SLIT3: variants seen among roughly 807,000 people sequenced by gnomAD.
SLIT3 encodes slit guidance ligand 3.
A neutral mutation model predicts 184.0 loss-of-function variants in SLIT3; 68 were observed. That is an observed-to-expected ratio of 0.37 (90% CI 0.30 to 0.45). The LOEUF is 0.45. Ranked by LOEUF, SLIT3 falls within the 20% of genes least tolerant of loss-of-function variation. SLIT3 has a pLI of 1.00. For synonymous variants in SLIT3, 831 were observed against 828.6 expected (o/e 1.00, Z -0.05); for missense variants, 1,707 against 2,026.0 (o/e 0.84, Z 3.02).
At chr5:168,697,380 G>C (rs1352794065) in intron 27 of SLIT3, among the ~76,000 whole-genome samples, 1 of 152,184 alleles carries the variant, frequency 6.6e-6, no homozygotes. Context: ...CCCAGGACTG[G>C]GCGTGCAAGA....
chr5:168,835,265 A>G (rs1453043042), intron 6 of SLIT3, among the ~76,000 whole-genome samples: 1 of 152,220 alleles, frequency 6.6e-6, no homozygotes, highest in Non-Finnish European at 1.5e-5. Context: ...TTATTTGTAA[A>G]CAAAAAAATT....
At position 169,056,596 on chromosome 5, in the gene SLIT3, TAA is replaced by T. The variant is rs75041666; in HGVS notation, c.413+136881_413+136882del. On this transcript the variant is annotated intron_variant, in intron 4 of 35. Coordinates refer to ENST00000519560, the MANE Select transcript of SLIT3 (RefSeq NM_003062.4). ...CAGACATTCATAGCTGGCGATCTCT[TAA>T]AAAAAAAAAAAGATTAAATGAAGTT... 1.3e-4 allele frequency among the ~76,000 whole-genome samples: 19 copies of T among 145,764 alleles called. No homozygotes were observed. In the South Asian group the frequency reaches 2.2e-3, roughly 17 times the overall value.
At chr5:169,208,173 T>C (rs998849145) in intron 3 of SLIT3, among the ~76,000 whole-genome samples, 3 of 152,224 alleles carry the variant, frequency 2.0e-5, no homozygotes, top group Non-Finnish European at 4.4e-5. Context: ...ATTAAGAAAT[T>C]CATATTCTGT....
At chr5:169,103,220 C>A (rs1002978174) in intron 4 of SLIT3, among the ~76,000 whole-genome samples, 1 of 152,112 alleles carries the variant, frequency 6.6e-6, no homozygotes, top group African/African-American at 2.4e-5. Context: ...CAAAATAGCT[C>A]GGAAATAGTG....
intron 5 of SLIT3, among the ~76,000 whole-genome samples, chr5:168,874,852 C>T (rs2938771): frequency 0.3 from 46,235 of 152,088 alleles, 7,477 homozygotes; most frequent in African/African-American, 0.41. Flanking sequence ...CCATTGGCCC[C>T]GGGGCAAATA....
chr5:169,246,620 T>C (rs993734003), intron 2 of SLIT3, among the ~76,000 whole-genome samples: 5 of 152,136 alleles, frequency 3.3e-5, no homozygotes, highest in African/African-American at 1.2e-4. Context: ...GCTATACAAT[T>C]AGAGGCTTAA....
intron 3 of SLIT3, among the ~76,000 whole-genome samples, chr5:169,207,752 A>T (rs909796109): frequency 6.6e-6 from 1 of 152,086 alleles, no homozygotes; most frequent in Non-Finnish European, 1.5e-5. Flanking sequence ...AAATTCAACC[A>T]CTGAGATGAT....
At chr5:169,105,108 C>T (rs551473303) in intron 4 of SLIT3, among the ~76,000 whole-genome samples, 19 of 152,258 alleles carry the variant, frequency 1.2e-4, no homozygotes, top group South Asian at 1.0e-3. Context: ...GCTCTGTGAA[C>T]GGCAGGTTTC....
At chr5:169,248,673 C>G (rs759898968) in intron 2 of SLIT3, among the ~76,000 whole-genome samples, 1 of 152,160 alleles carries the variant, frequency 6.6e-6, no homozygotes, top group Non-Finnish European at 1.5e-5. Flanking sequence ...AAATCGCCCC[C>G]CATGTGATGA....
intron 4 of SLIT3, among the ~76,000 whole-genome samples, chr5:168,923,757 C>A (rs1263808079): frequency 1.3e-5 from 2 of 152,162 alleles, no homozygotes; most frequent in Admixed American, 1.3e-4. Flanking sequence ...ACCTCGTGAT[C>A]CACCCAACTT....
At chr5:169,272,339 C>T (rs968533) in intron 1 of SLIT3, among the ~76,000 whole-genome samples, 48,424 of 152,242 alleles carry the variant, frequency 0.32, 11,176 homozygotes, top group African/African-American at 0.64. Flanking sequence ...GCTGGGCATG[C>T]AGTCCCTAGT....
intron 4 of SLIT3, among the ~76,000 whole-genome samples, chr5:169,067,392 C>A (rs896235074): frequency 6.6e-6 from 1 of 151,894 alleles, no homozygotes; most frequent in South Asian, 2.1e-4. Flanking sequence ...GCCATCTCAG[C>A]GAGACTCCAC....
intron 4 of SLIT3, among the ~76,000 whole-genome samples, chr5:169,067,485 C>T (rs1033251134): frequency 2.0e-5 from 3 of 152,140 alleles, no homozygotes; most frequent in South Asian, 4.2e-4. Flanking sequence ...GACAATCCAT[C>T]CATCTCTGTG....
chr5:168,754,794 GT>G (rs1175765029), intron 16 of SLIT3, among the ~76,000 whole-genome samples: 4 of 152,114 alleles, frequency 2.6e-5, no homozygotes, highest in Non-Finnish European at 4.4e-5. Context: ...GGGATTTGAA[GT>G]TTTTTTCTGT....
intron 23 of SLIT3, among the ~76,000 whole-genome samples, chr5:168,714,921 G>A (rs1038697363): frequency 2.0e-5 from 3 of 152,160 alleles, no homozygotes; most frequent in African/African-American, 4.8e-5. Context: ...TGCAGATGAG[G>A]GCACCATCAG....
intron 4 of SLIT3, among the ~76,000 whole-genome samples, chr5:168,890,312 G>C (rs1167656299): frequency 6.6e-6 from 1 of 152,192 alleles, no homozygotes; most frequent in East Asian, 1.9e-4. Flanking sequence ...GGAAGGAAAA[G>C]AGAGAGATGC....
chr5:169,142,237 T>C (rs1293555800), intron 4 of SLIT3, among the ~76,000 whole-genome samples: 1 of 152,106 alleles, frequency 6.6e-6, no homozygotes, highest in Non-Finnish European at 1.5e-5. Flanking sequence ...GATGGAGCCT[T>C]CTCTTTTAAT....
At chr5:168,926,137 T>A (rs562557024) in intron 4 of SLIT3, among the ~76,000 whole-genome samples, 1 of 152,076 alleles carries the variant, frequency 6.6e-6, no homozygotes, top group South Asian at 2.1e-4. Context: ...TCTATCCAAC[T>A]GTGGGGAAAG....
intron 4 of SLIT3, among the ~76,000 whole-genome samples, chr5:169,143,627 C>G (rs377267882): frequency 6.6e-6 from 1 of 152,144 alleles, no homozygotes; most frequent in Admixed American, 6.5e-5. Context: ...GGCGAAAACC[C>G]GTCTCTACTA....
Sources: allele counts gnomAD v4.1 joint callset (sites outside exome capture counted in the v4.1 genomes callset), GRCh38; gene constraint gnomAD v4.1.1; transcripts MANE v1.5; gene names NCBI Gene and HGNC (gene_info 2026-07-23, HGNC 2026-07-21).